GPHN: variants seen among roughly 807,000 people sequenced by gnomAD.
GPHN encodes gephyrin.
GPHN carries 17 observed loss-of-function variants against 95.5 expected under a neutral mutation model. That is an observed-to-expected ratio of 0.18 (90% CI 0.12 to 0.27). GPHN has a LOEUF of 0.27. GPHN is among the 10% of genes least tolerant of loss of function. The pLI is 1.00. For missense variants in GPHN, 660 were observed against 978.1 expected (o/e 0.67, Z 4.34); for synonymous variants, 320 against 322.5 (o/e 0.99, Z 0.08).
chr14:67,491,629 G>T, the GPHN span, among the ~76,000 whole-genome samples: 4 of 152,194 alleles, frequency 2.6e-5, no homozygotes, highest in Non-Finnish European at 5.9e-5. Context: ...CCTGACCCAG[G>T]TGCCCACAAA....
chr14:67,367,293 C>T, the GPHN span, among the ~76,000 whole-genome samples: 3 of 152,174 alleles, frequency 2.0e-5, no homozygotes, highest in Admixed American at 6.5e-5. Flanking sequence ...TGCAGTGGCA[C>T]GATCTTGGCT....
intron 1 of GPHN, among the ~76,000 whole-genome samples, chr14:66,599,546 A>G (rs1203289655): frequency 6.6e-6 from 1 of 151,400 alleles, no homozygotes; most frequent in African/African-American, 2.4e-5. Context: ...TATTTTACAT[A>G]TTGCTTATAA....
chr14:67,185,932 A>C (rs547510922), downstream of GPHN, among the ~76,000 whole-genome samples: 15 of 152,312 alleles, frequency 9.8e-5, no homozygotes, highest in Admixed American at 2.6e-4. Flanking sequence ...TCCAATGATG[A>C]TGGGTCTACA....
At chr14:67,225,926 AGTGTGTGT>A in the GPHN span, among the ~76,000 whole-genome samples, 2,502 of 136,720 alleles carry the variant, frequency 0.018, 58 homozygotes, top group African/African-American at 0.058. Flanking sequence ...TAATGCTGTG[AGTGTGTGT>A]GTGTGTGTGT....
At chr14:66,659,452 G>A (rs2065505441) in intron 1 of GPHN, among the ~76,000 whole-genome samples, 1 of 152,016 alleles carries the variant, frequency 6.6e-6, no homozygotes, top group African/African-American at 2.4e-5. Context: ...CCTGGTGGTT[G>A]ATACTGTTGA....
chr14:67,388,367 C>G, the GPHN span: 3 of 952,380 alleles, frequency 3.1e-6, no homozygotes, highest in South Asian at 3.9e-5. Context: ...TTGCACTCCC[C>G]TTACAACTCA....
At chr14:67,146,560 G>A (rs1343808295) in intron 18 of GPHN, among the ~76,000 whole-genome samples, 2 of 152,140 alleles carry the variant, frequency 1.3e-5, no homozygotes, top group Non-Finnish European at 2.9e-5. Flanking sequence ...AGTCTCTTAA[G>A]TTTTGCTAAT....
At chr14:67,318,583 A>AT in the GPHN span, among the ~76,000 whole-genome samples, 85 of 152,304 alleles carry the variant, frequency 5.6e-4, no homozygotes, top group Non-Finnish European at 7.6e-4. Context: ...ATAAACTCAG[A>AT]TTTTTCAGAG....
intron 8 of GPHN, among the ~76,000 whole-genome samples, chr14:66,959,030 C>T (rs2068722137): frequency 6.6e-6 from 1 of 152,022 alleles, no homozygotes; most frequent in South Asian, 2.1e-4. Context: ...TTACAATTAA[C>T]ATCTTAGCTC....
intron 1 of GPHN, among the ~76,000 whole-genome samples, chr14:66,530,250 G>A (rs1297032431): frequency 2.0e-5 from 3 of 152,106 alleles, no homozygotes; most frequent in Admixed American, 6.5e-5. Context: ...ACACCGTGAG[G>A]GGAAAACTGC....
At chr14:66,774,512 C>T (rs191600038) in intron 2 of GPHN, among the ~76,000 whole-genome samples, 6 of 152,266 alleles carry the variant, frequency 3.9e-5, no homozygotes, top group Admixed American at 2.0e-4. Flanking sequence ...TGCTTCTCAA[C>T]GCATTTCTTC....
chr14:67,387,488 G>A, the GPHN span: 1 of 1,594,460 alleles, frequency 6.3e-7, no homozygotes, highest in Non-Finnish European at 8.5e-7. Flanking sequence ...AAAAATCAGT[G>A]ATTGAATAGC....
At chr14:66,747,377 T>G (rs1009730417) in intron 2 of GPHN, among the ~76,000 whole-genome samples, 9 of 152,184 alleles carry the variant, frequency 5.9e-5, no homozygotes, top group African/African-American at 2.2e-4. Flanking sequence ...ACATCAGGTA[T>G]TTTTGTTCTT....
chr14:67,134,498 TTGAG>T (rs2079917729), intron 17 of GPHN, among the ~76,000 whole-genome samples: 1 of 152,252 alleles, frequency 6.6e-6, no homozygotes, highest in South Asian at 2.1e-4. Flanking sequence ...GATATTATAA[TTGAG>T]TAACTAAACT....
At chr14:66,854,242 C>T (rs549804405) in intron 4 of GPHN, among the ~76,000 whole-genome samples, 12 of 152,200 alleles carry the variant, frequency 7.9e-5, no homozygotes, top group Non-Finnish European at 1.6e-4. Flanking sequence ...AATCTTCAGT[C>T]TCAATACCCT....
chr14:67,198,484 A>G, the GPHN span, among the ~76,000 whole-genome samples: 6 of 152,354 alleles, frequency 3.9e-5, no homozygotes, highest in South Asian at 6.2e-4. Context: ...AATAATTACA[A>G]TGTTAAAGGA....
intron 1 of GPHN, among the ~76,000 whole-genome samples, chr14:66,668,049 C>G (rs8017658): frequency 0.31 from 47,329 of 152,106 alleles, 11,188 homozygotes; most frequent in African/African-American, 0.64. Flanking sequence ...CATCACTGAT[C>G]ATTAGAGAAA....
chr14:66,869,524 C>A (rs1439566870), intron 4 of GPHN, among the ~76,000 whole-genome samples: 1 of 152,158 alleles, frequency 6.6e-6, no homozygotes, highest in East Asian at 1.9e-4. Context: ...TAGTTTAGAT[C>A]CCTAATTTCA....
the GPHN span, among the ~76,000 whole-genome samples, chr14:67,197,644 T>A: frequency 1.7e-3 from 266 of 152,250 alleles, 1 homozygote; most frequent in Middle Eastern, 6.8e-3. Flanking sequence ...TATGGGTGAA[T>A]AGTCTGGAAA....
Sources: allele counts gnomAD v4.1 joint callset (sites outside exome capture counted in the v4.1 genomes callset), GRCh38; gene constraint gnomAD v4.1.1; transcripts MANE v1.5; gene names NCBI Gene and HGNC (gene_info 2026-07-23, HGNC 2026-07-21).